The following ADAMTS6 variants were observed in gnomAD, a reference collection of about 807,000 sequenced individuals.
ADAMTS6 encodes the protein A disintegrin and metalloproteinase with thrombospondin motifs 6.
A neutral mutation model predicts 144.3 loss-of-function variants in ADAMTS6; 23 were observed. The ratio of observed to expected loss-of-function variants is 0.16; its 90% CI spans 0.11 to 0.23. The LOEUF (loss-of-function observed/expected upper bound fraction) is 0.23. ADAMTS6 is among the 10% of genes least tolerant of loss of function. The pLI, the probability that ADAMTS6 is intolerant of heterozygous loss-of-function variation, is 1.00. For missense variants in ADAMTS6, 999 were observed against 1,379.6 expected, an observed-to-expected ratio of 0.72 and a Z score of 4.37; for synonymous variants, 444 against 457.5, an observed-to-expected ratio of 0.97 and a Z score of 0.38.
intron 9 of ADAMTS6, among the ~76,000 whole-genome samples, chr5:65,302,195 A>G (rs900568656): frequency 6.9e-6 from 1 of 144,040 alleles, no homozygotes; most frequent in Non-Finnish European, 1.5e-5. Context: ...TTATATATTT[A>G]TATGATATTA....
At chr5:65,284,383 C>A (rs998739859) in intron 11 of ADAMTS6, among the ~76,000 whole-genome samples, 1 of 151,942 alleles carries the variant, frequency 6.6e-6, no homozygotes, top group African/African-American at 2.4e-5. Context: ...AGAAAATAAT[C>A]TATGCACTAC....
At chr5:65,256,639 T>A (rs543871726) in intron 14 of ADAMTS6, 4 of 152,292 alleles carry the variant, frequency 2.6e-5, no homozygotes, top group Non-Finnish European at 4.4e-5. Flanking sequence ...ATCTAACATA[T>A]AACTCATGAA....
chr5:65,411,143 CTTTT>C (rs1374861219), intron 7 of ADAMTS6, among the ~76,000 whole-genome samples: 1 of 152,036 alleles, frequency 6.6e-6, no homozygotes, highest in Non-Finnish European at 1.5e-5. Flanking sequence ...TGGCCTGCTT[CTTTT>C]TTAAGGGTAA....
chr5:65,249,973 C>G (rs1481210856), intron 14 of ADAMTS6, among the ~76,000 whole-genome samples: 4 of 151,838 alleles, frequency 2.6e-5, no homozygotes, highest in Admixed American at 2.6e-4. Context: ...TTCAGAAAAG[C>G]TTACCTTGCC....
chr5:65,164,024 G>C (rs1009263432), intron 24 of ADAMTS6, among the ~76,000 whole-genome samples: 2 of 152,192 alleles, frequency 1.3e-5, no homozygotes, highest in Non-Finnish European at 2.9e-5. Context: ...CAGAGGGGGA[G>C]GAGCCAAGAT....
chr5:65,178,994 C>T (rs2112968), intron 22 of ADAMTS6, among the ~76,000 whole-genome samples: 8,432 of 152,008 alleles, frequency 0.055, 318 homozygotes, highest in Middle Eastern at 0.14. Flanking sequence ...GTGAGCTGTA[C>T]GTGGACGGGA....
At chr5:65,372,185 C>T (rs964037001) in intron 7 of ADAMTS6, among the ~76,000 whole-genome samples, 1 of 128,514 alleles carries the variant, frequency 7.8e-6, no homozygotes, top group Admixed American at 7.2e-5. Flanking sequence ...AATGTAAAGA[C>T]CATCTGCATC....
At chr5:65,454,314 T>C (rs947079077) in intron 4 of ADAMTS6, among the ~76,000 whole-genome samples, 7 of 152,214 alleles carry the variant, frequency 4.6e-5, no homozygotes, top group African/African-American at 1.7e-4. Context: ...GATGGATAAA[T>C]TTTGAGAAAT....
At chr5:65,344,802 C>T (rs867611995) in intron 7 of ADAMTS6, among the ~76,000 whole-genome samples, 3 of 151,786 alleles carry the variant, frequency 2.0e-5, no homozygotes, top group Non-Finnish European at 3.0e-5. Context: ...AACAAAAATG[C>T]TTTGTTCTAT....
rs867730791 is a variant in ADAMTS6, at chr5:65,206,848, A to T, written c.2575+7946T>A. ...CTCTCTCTCTCTCTCTCACACACAC[A>T]CACACACACACACACACACAAATAC... On this transcript the variant is annotated intron_variant, in intron 20 of 24. Coordinates refer to ENST00000381055, the MANE Select transcript of ADAMTS6 (RefSeq NM_197941.4). 3.6e-3 allele frequency among the ~76,000 whole-genome samples: 521 copies of T among 145,140 alleles called. 2 individuals carry two copies. The highest frequency in any genetic ancestry group is 0.013 in the African/African-American group (499 of 38,982).
intron 7 of ADAMTS6, among the ~76,000 whole-genome samples, chr5:65,380,222 T>C (rs1751920009): frequency 1.3e-5 from 2 of 152,136 alleles, no homozygotes; most frequent in South Asian, 4.1e-4. Context: ...TTATAGATTA[T>C]GCATATCAGT....
At chr5:65,389,828 G>A (rs1752767390) in intron 7 of ADAMTS6, among the ~76,000 whole-genome samples, 4 of 152,090 alleles carry the variant, frequency 2.6e-5, no homozygotes, top group Admixed American at 2.6e-4. Context: ...CTTAAAGATA[G>A]GCCAATTTAG....
chr5:65,324,043 A>G (rs890108956), intron 9 of ADAMTS6, among the ~76,000 whole-genome samples: 1 of 152,134 alleles, frequency 6.6e-6, no homozygotes, highest in Non-Finnish European at 1.5e-5. Context: ...AGTAGGTTGC[A>G]AAAATTTTCT....
chr5:65,382,899 A>G (rs184047235), intron 7 of ADAMTS6, among the ~76,000 whole-genome samples: 2 of 152,298 alleles, frequency 1.3e-5, no homozygotes, highest in African/African-American at 4.8e-5. Flanking sequence ...ACTGTCCCAG[A>G]GGCTGGGAAG....
intron 7 of ADAMTS6, among the ~76,000 whole-genome samples, chr5:65,339,202 A>G (rs915814698): frequency 3.3e-5 from 5 of 152,026 alleles, no homozygotes; most frequent in Non-Finnish European, 7.4e-5. Context: ...ATCAAAACAA[A>G]CTCTCTCAGC....
At position 65,362,423 on chromosome 5, in the gene ADAMTS6, C is replaced by A. The variant is rs146618679; in HGVS notation, c.1074-28338G>T. 5.4e-3 allele frequency among the ~76,000 whole-genome samples: 823 copies of A among 152,246 alleles called. 7 individuals are homozygous for A. Among genetic ancestry groups the A allele is most frequent in the African/African-American group, 0.019 (772 of 41,530 alleles). On this transcript the variant is annotated intron_variant, in intron 7 of 24. Coordinates refer to ENST00000381055, the MANE Select transcript of ADAMTS6 (RefSeq NM_197941.4). ...CTTATTAAACAATCTAATCAAAAAT[C>A]ATTTCATTTCATGTTGTCGTTTTGA...
chr5:65,170,806 A>C (rs1753570167), intron 23 of ADAMTS6, 33 bp from the exon 24 acceptor site: 1 of 1,592,224 alleles, frequency 6.3e-7, no homozygotes, highest in African/African-American at 1.3e-5. Flanking sequence ...ACAAAATATT[A>C]ATCTCAACAA....
At chr5:65,446,144 A>T (rs964019900) in intron 7 of ADAMTS6, among the ~76,000 whole-genome samples, 7 of 152,342 alleles carry the variant, frequency 4.6e-5, no homozygotes, top group Non-Finnish European at 2.9e-5. Context: ...AAAGATTTTT[A>T]AAAATCCATA....
At chr5:65,331,075 T>G (rs1189863655) in intron 8 of ADAMTS6, among the ~76,000 whole-genome samples, 1 of 152,036 alleles carries the variant, frequency 6.6e-6, no homozygotes, top group Non-Finnish European at 1.5e-5. Flanking sequence ...ACCTGAAATA[T>G]TTTTTTAAAA....
Sources: gnomAD v4.1 joint callset for allele counts (sites outside exome capture counted in the v4.1 genomes callset) on GRCh38, gnomAD v4.1.1 for gene constraint, MANE v1.5 for transcripts, NCBI Gene and HGNC (gene_info 2026-07-23, HGNC 2026-07-21) for gene names.